The following PCNX2 variants were observed in gnomAD, a reference collection of about 807,000 sequenced individuals.
PCNX2 encodes pecanex-like protein 2.
A neutral mutation model predicts 223.8 loss-of-function variants in PCNX2; 168 were observed. The observed-to-expected ratio is 0.75, with a 90% CI of 0.66 to 0.85. The LOEUF is 0.85. Ranked by LOEUF, PCNX2 falls within the 40% of genes least tolerant of loss-of-function variation. PCNX2 has a pLI of 0.00. For synonymous variants in PCNX2, 1,006 were observed against 1,052.6 expected (o/e 0.96, Z 0.86); for missense variants, 2,507 against 2,675.5 (o/e 0.94, Z 1.39).
At chr1:233,129,902 C>T (rs1004243960) in intron 21 of PCNX2, among the ~76,000 whole-genome samples, 1 of 152,198 alleles carries the variant, frequency 6.6e-6, no homozygotes, top group African/African-American at 2.4e-5. Flanking sequence ...GGCAATCTGC[C>T]AGGGTACTGA....
chr1:233,038,031 A>G (rs541912866), intron 25 of PCNX2, among the ~76,000 whole-genome samples: 1 of 152,326 alleles, frequency 6.6e-6, no homozygotes, highest in Admixed American at 6.5e-5. Flanking sequence ...CTGATTCTCA[A>G]AAGAGACTAT....
intron 31 of PCNX2, 74 bp downstream of exon 31, chr1:232,999,031 G>A: frequency 6.8e-7 from 1 of 1,476,930 alleles, no homozygotes; most frequent in Admixed American, 2.3e-5. Context: ...ATCTGAACCA[G>A]GAGTACAGAG....
At chr1:233,173,744 A>T (rs1366782878) in intron 17 of PCNX2, among the ~76,000 whole-genome samples, 1 of 152,144 alleles carries the variant, frequency 6.6e-6, no homozygotes, top group Non-Finnish European at 1.5e-5. Context: ...AAACTGCGGT[A>T]GTTAGTTTAC....
chr1:233,047,976 T>A (rs1671876171), intron 25 of PCNX2, among the ~76,000 whole-genome samples: 1 of 151,924 alleles, frequency 6.6e-6, no homozygotes, highest in Non-Finnish European at 1.5e-5. Context: ...CAAGTCTCAA[T>A]AAATTTAAAA....
intron 22 of PCNX2, chr1:233,095,498 T>C: frequency 2.1e-6 from 1 of 481,722 alleles, no homozygotes; most frequent in Non-Finnish European, 3.7e-6. Flanking sequence ...AATGCAGATC[T>C]GGGCATGGGA....
chr1:233,068,163 T>C (rs934137771), intron 23 of PCNX2, among the ~76,000 whole-genome samples: 1 of 152,190 alleles, frequency 6.6e-6, no homozygotes, highest in Admixed American at 6.5e-5. Context: ...TAGCACAATA[T>C]GTTTTTAAGT....
chr1:233,218,147 G>A lies in PCNX2; in HGVS notation c.2542C>T (p.Leu848Phe), dbSNP rs1404071577. The A allele has an allele frequency of 6.1e-6, 8 of 1,303,092 alleles. No individual in the cohort carries two copies. The South Asian group carries it at 7.4e-5, about 12-fold the overall frequency. 80.7% of individuals were successfully genotyped at this position (1,303,092 alleles called of 1,614,324 possible). The change falls in exon 11 of 34, where the codon CTC becomes TTC. Residue 848 changes from leucine to phenylalanine, a missense_variant. Transcript: ENST00000258229. The part of the protein sequence containing the change: ...DIKENVLAIL[L>F]IVLVSLLGFL... ...CCAAGGAGGGAAACCAGGACAATGAGTAAAATCGCCAGTACATTCTCCTTG... is the reference window on the plus strand; with the variant it reads ...CCAAGGAGGGAAACCAGGACAATGAATAAAATCGCCAGTACATTCTCCTTG...
At position 232,999,300 on chromosome 1, in the gene PCNX2, C is replaced by T. The variant is rs756212337; in HGVS notation, c.5408G>A (p.Arg1803His). The T allele has an allele frequency of 1.1e-5, 18 of 1,610,448 alleles. No homozygotes were observed. The highest frequency in any genetic ancestry group is 2.2e-5 in the East Asian group (1 of 44,804). Residue 1803 changes from arginine to histidine, a missense_variant, in exon 31 of 34, where the codon CGC becomes CAC. By Grantham distance (29) the Arg-to-His change is conservative. This residue lies in a region of PCNX2 where 1,372 missense variants were observed against 1,509.4 expected (regional missense o/e 0.91). Transcript: ENST00000258229. ...CTGCTTATTGTTCTGGATACTGCCG[C>T]GCTCCGGATTGCGGTTGCGAAGAAA... ...LIFLRNRNPERGSIQNNKQVL... is the reference protein window; with the variant it reads ...LIFLRNRNPEHGSIQNNKQVL...
intron 13 of PCNX2, among the ~76,000 whole-genome samples, chr1:233,200,857 A>G (rs544700661): frequency 2.6e-5 from 4 of 151,434 alleles, no homozygotes; most frequent in Non-Finnish European, 5.9e-5. Context: ...CCCCACCTTT[A>G]CTAAAAAAAA....
chr1:233,077,582 C>T (rs564793722), intron 23 of PCNX2, among the ~76,000 whole-genome samples: 2 of 152,148 alleles, frequency 1.3e-5, no homozygotes, highest in Non-Finnish European at 2.9e-5. Context: ...TCTCTCTTTC[C>T]TTCCTTTCTC....
chr1:233,221,171 A>T (rs1657354042), intron 10 of PCNX2, among the ~76,000 whole-genome samples: 1 of 147,504 alleles, frequency 6.8e-6, no homozygotes, highest in African/African-American at 2.5e-5. Flanking sequence ...GTATTCAGAT[A>T]ATCATGAGGC....
chr1:233,018,778 T>C lies in PCNX2; in HGVS notation c.4606-1624A>G. 8.1e-6 allele frequency: 8 copies of C among 985,414 alleles called. No individual in the cohort carries two copies. In the South Asian group the frequency reaches 3.8e-4, roughly 46 times the overall value. 61.0% of individuals were successfully genotyped at this position (985,414 alleles called of 1,614,324 possible). A position where few individuals can be genotyped will look rare whatever the true frequency, so the allele number is the denominator to read the frequency against. On this transcript the variant is annotated intron_variant, in intron 26 of 33. Coordinates refer to ENST00000258229, the MANE Select transcript of PCNX2 (RefSeq NM_014801.4). ...GGCTGCACATCTCACTGTGAAATCA[T>C]GAGGGGCTGGAGGGCTCACAGTGTT...
chr1:233,187,847 T>C (rs2102873275), intron 15 of PCNX2, among the ~76,000 whole-genome samples: 1 of 152,306 alleles, frequency 6.6e-6, no homozygotes, highest in Non-Finnish European at 1.5e-5. Flanking sequence ...TTATTATTCC[T>C]GGTCTCTTGC....
At position 233,200,143 on chromosome 1, in the gene PCNX2, A is replaced by T; in HGVS notation, c.2974+11T>A. 1 of 1,538,250 alleles carries T rather than the reference A, an allele frequency of 6.5e-7. No homozygotes were observed. The highest frequency in any genetic ancestry group is 8.9e-7 in the Non-Finnish European group (1 of 1,128,852). ...TTCCTTTACAGGAAGAATAGAATGT[A>T]AACGACTTACCAGAACCACCAAAAA... On this transcript the variant is annotated intron_variant, in intron 14 of 33. Transcript: ENST00000258229.
chr1:233,289,111 T>C, intron 1 of PCNX2: 4 of 928,180 alleles, frequency 4.3e-6, no homozygotes, highest in Non-Finnish European at 7.2e-6. Context: ...TGCTTTTGCT[T>C]ATATTTTGTA....
At chr1:233,179,025 C>G (rs367557588) in intron 16 of PCNX2, 41 bp downstream of exon 16, 2 of 1,565,456 alleles carry the variant, frequency 1.3e-6, no homozygotes, top group Non-Finnish European at 1.8e-6. Context: ...GAACTATGCC[C>G]CCAGCTCAGT....
chr1:233,239,200 GA>G, intron 8 of PCNX2, among the ~76,000 whole-genome samples: 1 of 152,290 alleles, frequency 6.6e-6, no homozygotes, highest in Middle Eastern at 3.4e-3. Context: ...AGTGGGAAAA[GA>G]AATGTACGCT....
intron 19 of PCNX2, among the ~76,000 whole-genome samples, chr1:233,159,854 A>G (rs1678361345): frequency 6.6e-6 from 1 of 152,146 alleles, no homozygotes; most frequent in Admixed American, 6.5e-5. Flanking sequence ...GAGTGTGTAA[A>G]GTTATTGGTC....
intron 17 of PCNX2, among the ~76,000 whole-genome samples, chr1:233,163,699 T>C (rs764934997): frequency 3.9e-5 from 6 of 151,980 alleles, no homozygotes; most frequent in Non-Finnish European, 7.4e-5. Flanking sequence ...AATCTATCCC[T>C]TTCCTCACTA....
Sources: gnomAD v4.1 joint callset for allele counts (sites outside exome capture counted in the v4.1 genomes callset) on GRCh38, gnomAD v4.1.1 for gene constraint, gnomAD v4.1.1 regional missense constraint, MANE v1.5 for transcripts, NCBI Gene and HGNC (gene_info 2026-07-23, HGNC 2026-07-21) for gene names.